KCNG3: variants seen among roughly 807,000 people sequenced by gnomAD.
KCNG3 encodes potassium voltage-gated channel modifier subfamily G member 3, also known as voltage-gated potassium channel regulatory subunit KCNG3.
A neutral mutation model predicts 29.0 loss-of-function variants in KCNG3; 15 were observed. The ratio of observed to expected loss-of-function variants is 0.52; its 90% CI spans 0.35 to 0.80. KCNG3 has a LOEUF of 0.80. Among genes scored for constraint, KCNG3 ranks in the 30% least tolerant of loss-of-function variants. KCNG3 has a pLI of 0.01. For synonymous variants in KCNG3, 322 were observed against 248.9 expected (o/e 1.29, Z -2.76); for missense variants, 512 against 605.7 (o/e 0.85, Z 1.62).
At chr2:42,407,177 CTT>C in the KCNG3 span, among the ~76,000 whole-genome samples, 16 of 133,116 alleles carry the variant, frequency 1.2e-4, no homozygotes, top group South Asian at 2.5e-4. Flanking sequence ...TCTGCTTGAT[CTT>C]TTTTTTTTTT....
chr2:42,456,766 G>A (rs1260029069), intron 1 of KCNG3, among the ~76,000 whole-genome samples: 1 of 152,138 alleles, frequency 6.6e-6, no homozygotes, highest in South Asian at 2.1e-4. Flanking sequence ...AGATTTAAAT[G>A]TACAAAGCAT....
At chr2:42,486,741 C>G (rs1481385507) in intron 1 of KCNG3, among the ~76,000 whole-genome samples, 1 of 152,258 alleles carries the variant, frequency 6.6e-6, no homozygotes, top group African/African-American at 2.4e-5. Context: ...CTGTCTGCTT[C>G]TATCACCACT....
At chr2:42,394,964 C>T in the KCNG3 span, among the ~76,000 whole-genome samples, 1 of 152,212 alleles carries the variant, frequency 6.6e-6, no homozygotes, top group South Asian at 2.1e-4. Flanking sequence ...TCATCTTCCT[C>T]TTGACACTGC....
chr2:42,480,610 G>C (rs147355650), intron 1 of KCNG3, among the ~76,000 whole-genome samples: 2 of 151,980 alleles, frequency 1.3e-5, no homozygotes, highest in East Asian at 3.9e-4. Context: ...ATGTCATGTA[G>C]TGTTCACGAG....
At chr2:42,427,643 A>G in the KCNG3 span, among the ~76,000 whole-genome samples, 3 of 152,142 alleles carry the variant, frequency 2.0e-5, no homozygotes, top group Admixed American at 6.5e-5. Context: ...AAACTGAACT[A>G]TCATTGTATA....
chr2:42,389,222 T>A, the KCNG3 span, among the ~76,000 whole-genome samples: 1 of 152,214 alleles, frequency 6.6e-6, no homozygotes, highest in Non-Finnish European at 1.5e-5. Context: ...CGGCCCCATG[T>A]AGATTACTTT....
At chr2:42,477,561 G>A (rs1004925237) in intron 1 of KCNG3, among the ~76,000 whole-genome samples, 1 of 150,682 alleles carries the variant, frequency 6.6e-6, no homozygotes, top group Non-Finnish European at 1.5e-5. Context: ...CCAAGTAGCT[G>A]GTCAATACAA....
At position 42,492,320 on chromosome 2, in the gene KCNG3, C is replaced by T. The variant is rs574589934; in HGVS notation, c.665+517G>A. Among the ~76,000 whole-genome samples the T allele has an allele frequency of 2.6e-5, 4 of 152,238 alleles. No homozygotes were observed. In the South Asian group the frequency reaches 6.2e-4, roughly 24 times the overall value. On this transcript the variant is annotated intron_variant, in intron 1 of 1. Transcript: ENST00000306078. The stretch of plus-strand genomic sequence containing the variant: ...TATTTAGAGTCTATCGATAAATTAA[C>T]CTGCTTTATAATATAACGATTCCAT...
chr2:42,405,847 C>T, the KCNG3 span, among the ~76,000 whole-genome samples: 3 of 152,098 alleles, frequency 2.0e-5, no homozygotes, highest in Non-Finnish European at 4.4e-5. Flanking sequence ...ACCTCGTGAC[C>T]TGCCCGCCTC....
At chr2:42,413,180 T>C in the KCNG3 span, among the ~76,000 whole-genome samples, 2 of 152,160 alleles carry the variant, frequency 1.3e-5, no homozygotes, top group African/African-American at 4.8e-5. Flanking sequence ...ATTTCTATTT[T>C]AATTTTTAGA....
At position 42,492,833 on chromosome 2, in the gene KCNG3, C is replaced by T. The variant is rs1673933092; in HGVS notation, c.665+4G>A. On this transcript the variant is annotated splice_donor_region_variant and intron_variant, in intron 1 of 1. Coordinates refer to ENST00000306078, the MANE Select transcript of KCNG3 (RefSeq NM_133329.6). ...GGGACGGGTAGAGAAGCAGTGCGTC[C>T]TACCCGGAGGGCTCCCTCCCAGGGC... 2.0e-6 allele frequency: 3 copies of T among 1,486,702 alleles called. No homozygotes were observed. The highest frequency in any genetic ancestry group is 2.7e-6 in the Non-Finnish European group (3 of 1,122,030). The allele number at this position is 1,486,702 out of a possible 1,614,324, so 92.1% of individuals were successfully genotyped here.
intron 1 of KCNG3, among the ~76,000 whole-genome samples, chr2:42,488,916 A>G (rs963674573): frequency 1.3e-5 from 2 of 151,972 alleles, no homozygotes; most frequent in African/African-American, 4.8e-5. Flanking sequence ...GAAATGTTAT[A>G]TAAACAATAG....
At chr2:42,468,785 T>C (rs1673208366) in intron 1 of KCNG3, among the ~76,000 whole-genome samples, 1 of 151,562 alleles carries the variant, frequency 6.6e-6, no homozygotes, top group African/African-American at 2.4e-5. Flanking sequence ...AAACCCCGTC[T>C]CTACTAAAAA....
At chr2:42,401,972 C>T in the KCNG3 span, among the ~76,000 whole-genome samples, 15 of 152,248 alleles carry the variant, frequency 9.9e-5, no homozygotes, top group East Asian at 1.5e-3. Context: ...GGCTGGGCTA[C>T]GGGATGCCCA....
rs1251127958 is a variant in KCNG3 at position 42,493,970 on chromosome 2, CGA to C, written c.-471_-470del. 6.5e-6 allele frequency: 1 copy of C among 153,572 alleles called. No homozygotes were observed. The highest frequency in any genetic ancestry group is 1.4e-5 in the Non-Finnish European group (1 of 69,216). 9.5% of individuals were successfully genotyped at this position (153,572 alleles called of 1,614,324 possible). On this transcript the variant is annotated 5_prime_UTR_variant, in exon 1 of 2. Transcript: ENST00000306078. ...CGGCCGCCCCGCCGCCGTCCAGAGGCGAGAGGCAAAGTGAGCGGGTTCGGAGG... is the reference window on the plus strand; with the variant it reads ...CGGCCGCCCCGCCGCCGTCCAGAGGCGAGGCAAAGTGAGCGGGTTCGGAGG...
At chr2:42,473,452 G>T (rs970004256) in intron 1 of KCNG3, among the ~76,000 whole-genome samples, 1 of 149,826 alleles carries the variant, frequency 6.7e-6, no homozygotes, top group South Asian at 2.1e-4. Flanking sequence ...CAGGTTCAAG[G>T]GATTCTCCTG....
the KCNG3 span, among the ~76,000 whole-genome samples, chr2:42,428,458 GGA>G: frequency 3.8e-5 from 4 of 104,530 alleles, no homozygotes; most frequent in African/African-American, 1.2e-4. Context: ...CCCGGTCTCG[GGA>G]AAAAAAAAAA....
chr2:42,419,226 T>C, the KCNG3 span, among the ~76,000 whole-genome samples: 1 of 99,018 alleles, frequency 1.0e-5, no homozygotes, highest in African/African-American at 4.6e-5. Flanking sequence ...TCTCTTTTTT[T>C]TTTTTTTTTT....
chr2:42,403,621 C>CT, the KCNG3 span, among the ~76,000 whole-genome samples: 6,019 of 134,338 alleles, frequency 0.045, 136 homozygotes, highest in Non-Finnish European at 0.061. Flanking sequence ...ACTTTTTTTT[C>CT]TTTTTTTTTT....
Sources: allele counts gnomAD v4.1 joint callset (sites outside exome capture counted in the v4.1 genomes callset), GRCh38; gene constraint gnomAD v4.1.1; transcripts MANE v1.5; gene names NCBI Gene and HGNC (gene_info 2026-07-23, HGNC 2026-07-21).